ALDOA: variants seen among roughly 807,000 people sequenced by gnomAD.
ALDOA encodes the protein fructose-bisphosphate aldolase A.
In ALDOA, 26 loss-of-function variants were observed where a neutral mutation model predicts 43.9. The observed-to-expected ratio is 0.59, with a 90% CI of 0.43 to 0.82. The LOEUF (loss-of-function observed/expected upper bound fraction) is 0.82, where lower values mean the gene tolerates loss of function less well. Ranked by LOEUF, ALDOA falls within the 40% of genes least tolerant of loss-of-function variation. ALDOA has a pLI of 0.00. For missense variants in ALDOA, 498 were observed against 549.5 expected, an observed-to-expected ratio of 0.91 and a Z score of 0.94; for synonymous variants, 258 against 222.6, an observed-to-expected ratio of 1.16 and a Z score of -1.42.
chr16:30,066,505 G>A (rs746644647), intron 1 of ALDOA, among the ~76,000 whole-genome samples: 1 of 152,212 alleles, frequency 6.6e-6, no homozygotes, highest in African/African-American at 2.4e-5. Flanking sequence ...AGTGACGATG[G>A]CAAAGCTTAC....
upstream of ALDOA, chr16:30,064,516 A>C (rs1057523415): frequency 5.0e-6 from 2 of 398,606 alleles, no homozygotes; most frequent in Admixed American, 8.8e-5. Flanking sequence ...GTGAGTGGGC[A>C]GGGGCTCCCT....
intron 4 of ALDOA, chr16:30,068,391 T>G (rs936262252): frequency 1.9e-5 from 10 of 537,548 alleles, no homozygotes; most frequent in Non-Finnish European, 3.0e-5. Flanking sequence ...TAATTGTAAC[T>G]AAGTGAAAAT....
Position 30,067,253 on chromosome 16 carries a change from C to T in ALDOA, c.161C>T (p.Thr54Ile). 6 of 1,612,298 alleles carry T rather than the reference C, an allele frequency of 3.7e-6. No individual in the cohort carries two copies. Among genetic ancestry groups the T allele is most frequent in the Non-Finnish European group, 5.1e-6 (6 of 1,180,018 alleles). The change falls in exon 3 of 10, where the codon ACC becomes ATC. Residue 54 changes from threonine (T) to isoleucine (I), a missense_variant. Coordinates refer to ENST00000642816, the MANE Select transcript of ALDOA (RefSeq NM_001243177.4). ...ATCCAGGAACTTGCTACTACCAGCA[C>T]CATGCCCTACCAATATCCAGCACTG... Reference protein sequence around the residue: ...ELGKELATTSTMPYQYPALTP... With the variant: ...ELGKELATTSIMPYQYPALTP...
rs1332681669 is a variant in ALDOA at position 30,069,958 on chromosome 16, G to A, written c.1090G>A (p.Ala364Thr). Residue 364 changes from alanine to threonine, a missense_variant, in exon 9 of 10, where the codon GCC becomes ACC. By Grantham distance (58) the Ala-to-Thr change is moderately conservative. Transcript: ENST00000642816. Reference protein sequence around the residue: ...FSYGRALQASALKAWGGKKEN... With the variant: ...FSYGRALQASTLKAWGGKKEN... ...CTACGGCCGAGCCCTGCAGGCCTCTGCCCTGAAGGCCTGGGGCGGGAAGAA... is the reference window on the plus strand; with the variant it reads ...CTACGGCCGAGCCCTGCAGGCCTCTACCCTGAAGGCCTGGGGCGGGAAGAA... The A allele has an allele frequency of 1.2e-6, 2 of 1,613,986 alleles. No individual in the cohort carries two copies. Among genetic ancestry groups the A allele is most frequent in the East Asian group, 2.2e-5 (1 of 44,880 alleles).
rs147612848 is a variant in ALDOA at position 30,069,948 on chromosome 16, G to A, written c.1080G>A (p.Leu360=). 6.2e-6 allele frequency: 10 copies of A among 1,613,936 alleles called. No homozygotes were observed. In the African/African-American group the frequency reaches 1.3e-4, roughly 22 times the overall value. Residue 360 remains leucine (L), a synonymous_variant, in exon 9 of 10, where the codon CTG becomes CTA. Coordinates refer to ENST00000642816, the MANE Select transcript of ALDOA (RefSeq NM_001243177.4). ...TGACCTTCTCCTACGGCCGAGCCCTGCAGGCCTCTGCCCTGAAGGCCTGGG... is the reference window on the plus strand; with the variant it reads ...TGACCTTCTCCTACGGCCGAGCCCTACAGGCCTCTGCCCTGAAGGCCTGGG... ...WALTFSYGRA[L]QASALKAWGG...
intron 4 of ALDOA, 152 bp downstream of exon 4, chr16:30,067,813 C>T: frequency 2.4e-6 from 2 of 830,374 alleles, no homozygotes; most frequent in South Asian, 2.9e-5. Flanking sequence ...CATTTTTAAT[C>T]CTCACAATTC....
intron 4 of ALDOA, 25 bp downstream of exon 4, chr16:30,067,686 A>G: frequency 6.2e-7 from 1 of 1,613,556 alleles, no homozygotes; most frequent in Non-Finnish European, 8.5e-7. Context: ...TCCGGACGTG[A>G]GGTTTGAGAT....
intron 9 of ALDOA, 28 bp from the exon 10 acceptor site, chr16:30,070,089 T>G: frequency 2.5e-6 from 4 of 1,613,730 alleles, no homozygotes; most frequent in Non-Finnish European, 3.4e-6. Flanking sequence ...AGAAGAGCCC[T>G]TCTCACTCCA....
At chr16:30,069,789 TCTCTGACCACAGCCC>T in intron 8 of ALDOA, 26 bp from the exon 9 acceptor site, 2 of 1,613,078 alleles carry the variant, frequency 1.2e-6, no homozygotes, top group South Asian at 2.2e-5. Context: ...GCTTCCTGGG[TCTCTGACCACAGCCC>T]CTCTCGCCTC....
Position 30,067,668 on chromosome 16 carries a change from G to A in ALDOA, c.486+7G>A, listed in dbSNP as rs1353974395. On this transcript the variant is annotated splice_region_variant and intron_variant, in intron 4 of 9. Transcript: ENST00000642816. ...CGGTGTTGTGGGCATCAAGGTAAGG[G>A]GAGGGCCTCCGGACGTGAGGTTTGA... 1 of 1,614,082 alleles carries A rather than the reference G, an allele frequency of 6.2e-7. No individual in the cohort carries two copies. The highest frequency in any genetic ancestry group is 8.5e-7 in the Non-Finnish European group (1 of 1,180,014).
chr16:30,066,916 GA>G lies in ALDOA; in HGVS notation c.21del (p.Ser9ProfsTer5), dbSNP rs1283032904. 7 of 1,550,602 alleles carry G rather than the reference GA, an allele frequency of 4.5e-6. No individual in the cohort carries two copies. Among genetic ancestry groups the G allele is most frequent in the East Asian group, 4.9e-5 (2 of 40,928 alleles). ...TGACCCCATGGCAAGGCGCAAGCCA[GA>G]AGGGTCCAGCTTCAACATGACCCAC... MARRKP[E>X]GSSFNMTHLS... On this transcript the variant is annotated frameshift_variant, in exon 2 of 10. Coordinates refer to ENST00000642816, the MANE Select transcript of ALDOA (RefSeq NM_001243177.4). LOFTEE classifies it high-confidence loss of function.
upstream of ALDOA, chr16:30,064,303 G>GA: frequency 2.5e-6 from 1 of 398,158 alleles, no homozygotes; most frequent in Non-Finnish European, 4.4e-6. Flanking sequence ...GGGCTCCAGA[G>GA]AATCAGAACA....
At position 30,066,906 on chromosome 16, in the gene ALDOA, G is replaced by C. The variant is rs757710745; in HGVS notation, c.9G>C (p.Arg3Ser). The C allele has an allele frequency of 1.1e-5, 17 of 1,550,338 alleles. No homozygotes were observed. In the South Asian group the frequency reaches 1.3e-4, roughly 12 times the overall value. ...TCAGGCAAGGTGACCCCATGGCAAG[G>C]CGCAAGCCAGAAGGGTCCAGCTTCA... Reference protein sequence around the residue: MARRKPEGSSFNM... With the variant: MASRKPEGSSFNM... Residue 3 changes from arginine to serine, a missense_variant, in exon 2 of 10, where the codon AGG becomes AGC. Arg to Ser is a moderately radical substitution (Grantham distance 110). Coordinates refer to ENST00000642816, the MANE Select transcript of ALDOA (RefSeq NM_001243177.4).
In ALDOA at chr16:30,068,806, C is replaced by T; in HGVS notation, c.542-12C>T. 1.2e-6 allele frequency: 2 copies of T among 1,614,232 alleles called. No individual in the cohort carries two copies. The highest frequency in any genetic ancestry group is 2.7e-5 in the African/African-American group (2 of 75,054). The stretch of plus-strand genomic sequence containing the variant: ...CTCCCCACCGTGCTCTGACCCCTTC[C>T]TCTTCTCTTAGGGTTGGATGGGCTG... On this transcript the variant is annotated splice_polypyrimidine_tract_variant and intron_variant, in intron 5 of 9. Coordinates refer to ENST00000642816, the MANE Select transcript of ALDOA (RefSeq NM_001243177.4).
At chr16:30,068,432 A>G in intron 4 of ALDOA, 2 of 640,684 alleles carry the variant, frequency 3.1e-6, no homozygotes, top group South Asian at 3.3e-5. Context: ...AGTTTAAGGG[A>G]TTAAGTAAAT....
intron 1 of ALDOA, among the ~76,000 whole-genome samples, chr16:30,066,421 G>T (rs1220570111): frequency 6.6e-6 from 1 of 152,232 alleles, no homozygotes; most frequent in African/African-American, 2.4e-5. Flanking sequence ...CGGAACAGCT[G>T]CAGCCATGCG....
chr16:30,068,244 T>C, intron 4 of ALDOA: 1 of 329,166 alleles, frequency 3.0e-6, no homozygotes, highest in Non-Finnish European at 5.9e-6. Context: ...TTTTGTATTT[T>C]TAGTAGACAC....
In ALDOA at chr16:30,070,258, C is replaced by T. The variant is rs759684459; in HGVS notation, c.*46C>T. 1.3e-6 allele frequency: 2 copies of T among 1,596,220 alleles called. No individual in the cohort carries two copies. Among genetic ancestry groups the T allele is most frequent in the South Asian group, 2.2e-5 (2 of 90,586 alleles). ...CCCCCAACACTCCAGGCCCTGCCCC[C>T]TCCCACTCTTGAAGAGGAGGCCGCC... is the stretch of plus-strand genomic sequence containing the variant. On this transcript the variant is annotated 3_prime_UTR_variant, in exon 10 of 10. Coordinates refer to ENST00000642816, the MANE Select transcript of ALDOA (RefSeq NM_001243177.4).
upstream of ALDOA, chr16:30,064,793 C>T (rs2151012159): frequency 4.9e-6 from 1 of 203,584 alleles, no homozygotes; most frequent in South Asian, 1.9e-4. Context: ...AGGTGGGCCC[C>T]TTGCAGGACC....
Sources: gnomAD v4.1 joint callset for allele counts (sites outside exome capture counted in the v4.1 genomes callset) on GRCh38, gnomAD v4.1.1 for gene constraint, MANE v1.5 for transcripts, NCBI Gene and HGNC (gene_info 2026-07-23, HGNC 2026-07-21) for gene names.